SPATA31H1: variants seen among roughly 807,000 people sequenced by gnomAD.
SPATA31H1 encodes SPATA31 subfamily H member 1.
chr2:27,581,195 C>A, the SPATA31H1 span: 1 of 1,614,220 alleles, frequency 6.2e-7, no homozygotes, highest in South Asian at 1.1e-5. Flanking sequence ...AGCATAACCA[C>A]CCCAGCTTCT....
At chr2:27,560,699 C>T in the SPATA31H1 span, among the ~76,000 whole-genome samples, 2 of 152,114 alleles carry the variant, frequency 1.3e-5, no homozygotes, top group Non-Finnish European at 2.9e-5. Context: ...CCTCGTGATC[C>T]GCCTGCCTCG....
chr2:27,576,773 A>G, the SPATA31H1 span: 5 of 1,613,908 alleles, frequency 3.1e-6, no homozygotes, highest in African/African-American at 6.7e-5. Context: ...AGTTTACTGT[A>G]GAGCCAAAGT....
the SPATA31H1 span, among the ~76,000 whole-genome samples, chr2:27,550,989 A>C: frequency 6.6e-6 from 1 of 151,506 alleles, no homozygotes; most frequent in Non-Finnish European, 1.5e-5. Context: ...TGCTGGATTC[A>C]AGTGATTGTC....
the SPATA31H1 span, chr2:27,578,691 C>A: frequency 6.2e-7 from 1 of 1,614,076 alleles, no homozygotes; most frequent in Non-Finnish European, 8.5e-7. Flanking sequence ...GAATCTAGGA[C>A]ACGTGTGTCA....
chr2:27,570,193 T>C, the SPATA31H1 span: 1 of 398,816 alleles, frequency 2.5e-6, no homozygotes, highest in Non-Finnish European at 4.4e-6. Context: ...CTCGAAGATA[T>C]AAAGTCTCTA....
the SPATA31H1 span, among the ~76,000 whole-genome samples, chr2:27,540,327 C>G: frequency 1.6e-5 from 2 of 121,318 alleles, no homozygotes; most frequent in Non-Finnish European, 3.6e-5. Context: ...GGGCTCCTCA[C>G]TTCCCAGTAG....
At chr2:27,563,265 A>G in the SPATA31H1 span, among the ~76,000 whole-genome samples, 1 of 147,424 alleles carries the variant, frequency 6.8e-6, no homozygotes, top group African/African-American at 2.5e-5. Flanking sequence ...CAAATGGTCT[A>G]TTTCTTTTTG....
chr2:27,580,847 G>A, the SPATA31H1 span: 1 of 1,614,174 alleles, frequency 6.2e-7, no homozygotes, highest in Non-Finnish European at 8.5e-7. Flanking sequence ...TTAAGCAGGA[G>A]GACATATTGT....
the SPATA31H1 span, chr2:27,579,699 C>T: frequency 6.2e-7 from 1 of 1,614,188 alleles, no homozygotes; most frequent in Non-Finnish European, 8.5e-7. Flanking sequence ...TAGAGAAGAT[C>T]TTGTTCCAAT....
the SPATA31H1 span, chr2:27,567,351 T>C: frequency 3.8e-6 from 2 of 526,038 alleles, no homozygotes; most frequent in East Asian, 5.8e-5. Flanking sequence ...GAGGAAATCA[T>C]GGGCAATGCT....
the SPATA31H1 span, among the ~76,000 whole-genome samples, chr2:27,556,430 T>A: frequency 6.6e-6 from 1 of 151,602 alleles, no homozygotes; most frequent in Non-Finnish European, 1.5e-5. Context: ...CTGGGACTCC[T>A]GTCTCCCCTT....
the SPATA31H1 span, chr2:27,582,354 C>G: frequency 1.2e-6 from 2 of 1,614,038 alleles, no homozygotes; most frequent in African/African-American, 2.7e-5. Context: ...CCATTGCAGT[C>G]CCTCTGAGAG....
chr2:27,555,885 G>A, the SPATA31H1 span, among the ~76,000 whole-genome samples: 1 of 151,942 alleles, frequency 6.6e-6, no homozygotes, highest in East Asian at 1.9e-4. Context: ...TGTAATCCCA[G>A]CACTTTGGGA....
the SPATA31H1 span, chr2:27,577,912 C>A: frequency 2.5e-6 from 4 of 1,613,964 alleles, no homozygotes; most frequent in East Asian, 6.7e-5. This position sits in a 1 kb window ranked among gnomAD's most constrained non-coding sequence, Gnocchi z 4.5. Context: ...AGGGAGGTAT[C>A]AATGGGGCTA....
the SPATA31H1 span, among the ~76,000 whole-genome samples, chr2:27,558,923 G>GGGAGGC: frequency 9.9e-6 from 1 of 101,210 alleles, no homozygotes; most frequent in Non-Finnish European, 2.0e-5. Flanking sequence ...GAGAGGGAGG[G>GGGAGGC]GGAGGGAGAG....
At chr2:27,579,260 G>A in the SPATA31H1 span, 1 of 1,614,176 alleles carries the variant, frequency 6.2e-7, no homozygotes, top group African/African-American at 1.3e-5. Flanking sequence ...TAATGCTGGG[G>A]AATATTTTAG....
the SPATA31H1 span, chr2:27,581,819 A>ACATCACAGTCCCTCTGAGAGAAGC: frequency 1.9e-6 from 3 of 1,585,966 alleles, no homozygotes; most frequent in African/African-American, 4.6e-5. Flanking sequence ...CTGAGAGAAG[A>ACATCACAGTCCCTCTGAGAGAAGC]CATCACAGTC....
chr2:27,558,923 G>T, the SPATA31H1 span, among the ~76,000 whole-genome samples: 1 of 101,210 alleles, frequency 9.9e-6, no homozygotes, highest in African/African-American at 4.3e-5. Context: ...GAGAGGGAGG[G>T]GGAGGGAGAG....
the SPATA31H1 span, chr2:27,537,621 A>G: frequency 1.0e-5 from 7 of 702,514 alleles, no homozygotes; most frequent in East Asian, 2.7e-5. Context: ...TCCTGAGGCC[A>G]TAGAAACTGC....
Sources: allele counts gnomAD v4.1 joint callset (sites outside exome capture counted in the v4.1 genomes callset), GRCh38; gene constraint gnomAD v4.1.1; non-coding constraint Gnocchi (gnomAD v3.1); transcripts MANE v1.5; gene names NCBI Gene and HGNC (gene_info 2026-07-23, HGNC 2026-07-21).